LEPR: variants seen among roughly 807,000 people sequenced by gnomAD.
The protein encoded by LEPR is OB receptor.
LEPR carries 56 observed loss-of-function variants against 114.7 expected under a neutral mutation model. That is an observed-to-expected ratio of 0.49 (90% CI 0.39 to 0.61). The LOEUF (loss-of-function observed/expected upper bound fraction) is 0.61. Among genes scored for constraint, LEPR ranks in the 20% least tolerant of loss-of-function variants. The probability of loss-of-function intolerance (pLI) is 0.00; values close to 1 mark genes in which losing one functional copy is unlikely to be tolerated. For synonymous variants in LEPR, 443 were observed against 461.4 expected (o/e 0.96, Z 0.51); for missense variants, 1,202 against 1,352.9 (o/e 0.89, Z 1.75).
intron 19 of LEPR, among the ~76,000 whole-genome samples, chr1:65,628,571 A>G (rs1249568115): frequency 1.3e-5 from 2 of 152,176 alleles, no homozygotes; most frequent in Non-Finnish European, 2.9e-5. Context: ...TTATTCCAAA[A>G]ATATCTCTGA....
intron 2 of LEPR, among the ~76,000 whole-genome samples, chr1:65,490,462 G>A (rs1232162151): frequency 2.0e-5 from 3 of 152,042 alleles, no homozygotes; most frequent in Non-Finnish European, 4.4e-5. Context: ...TTCTTTTCCT[G>A]TGAGAGCAAA....
intron 2 of LEPR, among the ~76,000 whole-genome samples, chr1:65,461,442 A>G (rs961317432): frequency 5.3e-5 from 8 of 152,196 alleles, no homozygotes; most frequent in African/African-American, 1.9e-4. Context: ...GGATATGTTA[A>G]AAGGAACTGT....
rs1367692386 is a variant in LEPR at position 65,601,389 on chromosome 1, C to T, written c.995-3C>T. 3.1e-6 allele frequency: 5 copies of T among 1,612,038 alleles called. No individual in the cohort carries two copies. The South Asian group carries it at 5.5e-5, about 18-fold the overall frequency. ...TCTGATATCCTTTCTTCCCTCATTA[C>T]AGATGTCATATACTTTCCACCTAAA... On this transcript the variant is annotated splice_polypyrimidine_tract_variant and splice_region_variant and intron_variant, in intron 8 of 19. Transcript: ENST00000349533.
chr1:65,467,574 CAGAT>C (rs1468013503), intron 2 of LEPR, among the ~76,000 whole-genome samples: 1 of 152,186 alleles, frequency 6.6e-6, no homozygotes, highest in Non-Finnish European at 1.5e-5. Context: ...TCAGAGCTGT[CAGAT>C]AGGGACGTTT....
chr1:65,538,798 C>T (rs1427901663), intron 2 of LEPR, among the ~76,000 whole-genome samples: 1 of 151,464 alleles, frequency 6.6e-6, no homozygotes, highest in African/African-American at 2.4e-5. Flanking sequence ...GAATCTGTTT[C>T]CATTCTTCTT....
At chr1:65,599,323 G>C (rs1226725016) in intron 8 of LEPR, among the ~76,000 whole-genome samples, 2 of 152,084 alleles carry the variant, frequency 1.3e-5, no homozygotes, top group Non-Finnish European at 2.9e-5. Flanking sequence ...TTGCATAGAG[G>C]CTCCAGAGGC....
At position 65,515,199 on chromosome 1, in the gene LEPR, C is replaced by A. The variant is rs568991611; in HGVS notation, c.-20-50347C>A. ...CAAAACCAGGAAGTGAAAATAAATG[C>A]AAAGATGCTCTTAAGTCACTGTGAG... is the stretch of plus-strand genomic sequence containing the variant. On this transcript the variant is annotated intron_variant, in intron 2 of 19. Transcript: ENST00000349533. Among the ~76,000 whole-genome samples the A allele has an allele frequency of 3.9e-5, 6 of 152,254 alleles. No individual in the cohort carries two copies. The South Asian group carries it at 1.2e-3, about 32-fold the overall frequency.
chr1:65,564,730 T>G (rs561234944), intron 2 of LEPR, among the ~76,000 whole-genome samples: 1 of 152,270 alleles, frequency 6.6e-6, no homozygotes, highest in African/African-American at 2.4e-5. Flanking sequence ...AGGTCTAGAG[T>G]GTTGAAAACC....
intron 2 of LEPR, among the ~76,000 whole-genome samples, chr1:65,458,535 A>T (rs1180108911): frequency 6.6e-6 from 1 of 152,154 alleles, no homozygotes; most frequent in Non-Finnish European, 1.5e-5. Flanking sequence ...ATTCCAACGT[A>T]ATACTTATCC....
intron 19 of LEPR, 156 bp downstream of exon 19, chr1:65,623,137 G>A: frequency 1.3e-6 from 1 of 751,580 alleles, no homozygotes; most frequent in Non-Finnish European, 2.1e-6. Context: ...AAGAATAGCA[G>A]GATGCAGGGA....
intron 2 of LEPR, among the ~76,000 whole-genome samples, chr1:65,543,720 T>C (rs1360107426): frequency 6.6e-6 from 1 of 152,026 alleles, no homozygotes; most frequent in Non-Finnish European, 1.5e-5. Context: ...ATTTATTAAA[T>C]AGGGAATCCT....
In LEPR at chr1:65,627,467, T is replaced by C. The variant is rs1005363715; in HGVS notation, c.2673+4486T>C. Among the ~76,000 whole-genome samples the C allele has an allele frequency of 3.9e-5, 6 of 152,220 alleles. 1 individual carries two copies. Among genetic ancestry groups the C allele is most frequent in the Non-Finnish European group, 8.8e-5 (6 of 67,984 alleles). On this transcript the variant is annotated intron_variant, in intron 19 of 19. Transcript: ENST00000349533. ...TATAATAAGAGACAGATAGTAAGTGTTGGTGAGAATAGAGAGAAATTAGAA... is the reference window on the plus strand; with the variant it reads ...TATAATAAGAGACAGATAGTAAGTGCTGGTGAGAATAGAGAGAAATTAGAA...
chr1:65,525,697 C>T (rs1374594042), intron 2 of LEPR: 2 of 985,478 alleles, frequency 2.0e-6, no homozygotes, highest in Non-Finnish European at 2.4e-6. Context: ...GCACCTTGGG[C>T]GAGGAGTTCG....
rs757307633 is a variant in LEPR at position 65,641,114 on chromosome 1, A to G, written c.*4099A>G. 1.3e-5 allele frequency: 2 copies of G among 152,156 alleles called. No homozygotes were observed. The highest frequency in any genetic ancestry group is 6.5e-5 in the Admixed American group (1 of 15,276). The allele number at this position is 152,156 out of a possible 1,614,324, so 9.4% of individuals were successfully genotyped here. On this transcript the variant is annotated 3_prime_UTR_variant, in exon 20 of 20. Transcript: ENST00000349533. ...TTTATAGTGAATGAATTATTTTTCTATAAAGTTTATCAATATTTATTTTGG... is the reference window on the plus strand; with the variant it reads ...TTTATAGTGAATGAATTATTTTTCTGTAAAGTTTATCAATATTTATTTTGG...
At chr1:65,480,181 G>A (rs911846654) in intron 2 of LEPR, among the ~76,000 whole-genome samples, 5 of 151,964 alleles carry the variant, frequency 3.3e-5, no homozygotes, top group African/African-American at 1.2e-4. Flanking sequence ...AATAGGTCTT[G>A]CCTTGTTCAA....
chr1:65,572,980 A>G (rs1654312126), intron 5 of LEPR, among the ~76,000 whole-genome samples: 1 of 152,144 alleles, frequency 6.6e-6, no homozygotes, highest in African/African-American at 2.4e-5. Context: ...TCTGGGCATG[A>G]ACATGAACCA....
chr1:65,570,454 C>T lies in LEPR; in HGVS notation c.41-19C>T. On this transcript the variant is annotated intron_variant, in intron 3 of 19. Transcript: ENST00000349533. ...AAAATGATTACTTTTTTCTATGTGT[C>T]TTTTTAATATCCTAACAGAATTTAT... is the stretch of plus-strand genomic sequence containing the variant. The T allele has an allele frequency of 6.2e-7, 1 of 1,608,892 alleles. No individual in the cohort carries two copies. Among genetic ancestry groups the T allele is most frequent in the Non-Finnish European group, 8.5e-7 (1 of 1,177,368 alleles).
rs1416849544 is a variant in LEPR at position 65,637,165 on chromosome 1, A to T, written c.*150A>T. On this transcript the variant is annotated 3_prime_UTR_variant, in exon 20 of 20. Coordinates refer to ENST00000349533, the MANE Select transcript of LEPR (RefSeq NM_002303.6). ...TGTTGTCTGTTTGTTCTCTCTTAGT[A>T]ACATAGACAAAAAATTTGAGAAAGC... is the stretch of plus-strand genomic sequence containing the variant. The T allele has an allele frequency of 2.3e-6, 2 of 874,214 alleles. No homozygotes were observed. The highest frequency in any genetic ancestry group is 3.4e-5 in the African/African-American group (2 of 58,770). 54.2% of individuals were successfully genotyped at this position (874,214 alleles called of 1,614,324 possible).
intron 2 of LEPR, among the ~76,000 whole-genome samples, chr1:65,532,078 C>T (rs1307418726): frequency 2.0e-5 from 3 of 152,204 alleles, no homozygotes; most frequent in South Asian, 2.1e-4. Context: ...GGTATTATCT[C>T]ATTAATAGTT....
Sources: gnomAD v4.1 joint callset for allele counts (sites outside exome capture counted in the v4.1 genomes callset) on GRCh38, gnomAD v4.1.1 for gene constraint, MANE v1.5 for transcripts, NCBI Gene and HGNC (gene_info 2026-07-23, HGNC 2026-07-21) for gene names.